SUN2: variants seen among roughly 807,000 people sequenced by gnomAD.
The protein encoded by SUN2 is Sad1 and UNC84 domain containing 2.
SUN2 carries 60 observed loss-of-function variants against 100.0 expected under a neutral mutation model. The observed-to-expected ratio is 0.60, with a 90% confidence interval of 0.49 to 0.74. The LOEUF is 0.74. SUN2 is among the 30% of genes least tolerant of loss of function. SUN2 has a pLI of 0.00. For synonymous variants in SUN2, 367 were observed against 403.3 expected (o/e 0.91, Z 1.08); for missense variants, 834 against 954.6 (o/e 0.87, Z 1.66).
chr22:38,739,087 C>G lies in SUN2; in HGVS notation c.1664-99G>C. ...TCGCTGAAGGTGGACGGCAGATGCCCCAGGCCTAGCCTTTAACCCTAACCG... is the reference window on the plus strand; with the variant it reads ...TCGCTGAAGGTGGACGGCAGATGCCGCAGGCCTAGCCTTTAACCCTAACCG... On this transcript the variant is annotated intron_variant, in intron 14 of 17. Coordinates refer to ENST00000689035, the MANE Select transcript of SUN2 (RefSeq NM_015374.3). This position sits in a 1 kb window ranked among gnomAD's most constrained non-coding sequence, Gnocchi z 6.7. 1 of 1,212,920 alleles carries G rather than the reference C, an allele frequency of 8.2e-7. No homozygotes were observed. The highest frequency in any genetic ancestry group is 2.0e-5 in the Admixed American group (1 of 50,040). The allele number at this position is 1,212,920 out of a possible 1,614,324, so 75.1% of individuals were successfully genotyped here.
rs2092978069 is a variant in SUN2 at position 38,755,439 on chromosome 22, T to C, written c.-38+324A>G. 1.0e-6 allele frequency: 1 copy of C among 994,398 alleles called. No individual in the cohort carries two copies. The highest frequency in any genetic ancestry group is 5.5e-5 in the Admixed American group (1 of 18,042). The allele number at this position is 994,398 out of a possible 1,614,324, so 61.6% of individuals were successfully genotyped here. ...ACTGCCTGTCCCTGGAAACGGCCTG[T>C]CTGGCACAAAACCCGTAGGCGCTGC... On this transcript the variant is annotated intron_variant, in intron 1 of 17. Coordinates refer to ENST00000689035, the MANE Select transcript of SUN2 (RefSeq NM_015374.3). This position sits in a 1 kb window ranked among gnomAD's most constrained non-coding sequence, Gnocchi z 5.7.
In SUN2 at chr22:38,738,460, G is replaced by C. The variant is rs2092826300; in HGVS notation, c.1947+127C>G. ...GACTGAAGTGCTGTCTCCCACCCTA[G>C]CTCCTCCTCTTCCAAATCCACTCCC... On this transcript the variant is annotated intron_variant, in intron 16 of 17. Transcript: ENST00000689035. The surrounding 1 kb of genome is among the most constrained non-coding windows in gnomAD (Gnocchi z 6.6). 3 of 1,329,014 alleles carry C rather than the reference G, an allele frequency of 2.3e-6. No homozygotes were observed. In the South Asian group the frequency reaches 4.0e-5, roughly 18 times the overall value. The allele number at this position is 1,329,014 out of a possible 1,614,324, so 82.3% of individuals were successfully genotyped here.
intron 5 of SUN2, 45 bp downstream of exon 5, chr22:38,750,180 A>C (rs769396202): frequency 6.3e-7 from 1 of 1,595,532 alleles, no homozygotes. Flanking sequence ...GTAAGAAAGC[A>C]CTATCACCAA....
Position 38,750,442 on chromosome 22 carries a change from G to A in SUN2, c.425-122C>T, listed in dbSNP as rs2092936480. The A allele has an allele frequency of 3.9e-6, 6 of 1,520,998 alleles. No homozygotes were observed. In the Admixed American group the frequency reaches 1.0e-4, roughly 26 times the overall value. The allele number at this position is 1,520,998 out of a possible 1,614,324, so 94.2% of individuals were successfully genotyped here. A position where few individuals can be genotyped will look rare whatever the true frequency, so the allele number is the denominator to read the frequency against. Reference sequence around the variant, plus strand: ...TTCACATCCCCACAGCCCCACACAGGCCCGGTGTGCAGTAAGGAATGAAAT... The same window carrying A: ...TTCACATCCCCACAGCCCCACACAGACCCGGTGTGCAGTAAGGAATGAAAT... On this transcript the variant is annotated intron_variant, in intron 4 of 17. Transcript: ENST00000689035.
At chr22:38,745,647 G>C (rs778456549) in intron 8 of SUN2, 37 bp downstream of exon 8, 59 of 1,609,108 alleles carry the variant, frequency 3.7e-5, no homozygotes, top group Non-Finnish European at 4.8e-5. Context: ...CCTAATTATT[G>C]CTAAGCTCTT....
chr22:38,739,705 G>A lies in SUN2; in HGVS notation c.1578+17C>T, dbSNP rs1469490243. On this transcript the variant is annotated intron_variant, in intron 13 of 17. Coordinates refer to ENST00000689035, the MANE Select transcript of SUN2 (RefSeq NM_015374.3). This position sits in a 1 kb window ranked among gnomAD's most constrained non-coding sequence, Gnocchi z 6.7. The stretch of plus-strand genomic sequence containing the variant: ...GAGCTGTGGGTGGGTGTGTGGAGAG[G>A]GGCATGTGGGCCTCACCTCCTCTGT... The A allele has an allele frequency of 2.5e-6, 4 of 1,611,026 alleles. No homozygotes were observed. The highest frequency in any genetic ancestry group is 3.4e-6 in the Non-Finnish European group (4 of 1,178,312).
At chr22:38,752,906 A>G (rs530701987) in intron 1 of SUN2, among the ~76,000 whole-genome samples, 1 of 152,326 alleles carries the variant, frequency 6.6e-6, no homozygotes, top group East Asian at 1.9e-4. Flanking sequence ...GTGACTCTGG[A>G]GCCTCTTCCA....
intron 1 of SUN2, among the ~76,000 whole-genome samples, chr22:38,753,956 C>T (rs899694714): frequency 3.9e-5 from 6 of 152,118 alleles, no homozygotes; most frequent in South Asian, 2.1e-4. Context: ...CTCACACATG[C>T]GCAAAACAAG....
In SUN2 at chr22:38,739,283, A is replaced by G; in HGVS notation, c.1663+59T>C. ...CCCCACCACCAACCTGGTAGATGCC[A>G]GGGGACCGGCCATTGCGGGGTCCAG... On this transcript the variant is annotated intron_variant, in intron 14 of 17. Transcript: ENST00000689035. The surrounding 1 kb of genome is among the most constrained non-coding windows in gnomAD (Gnocchi z 6.7). The G allele has an allele frequency of 6.4e-7, 1 of 1,566,328 alleles. No homozygotes were observed. The highest frequency in any genetic ancestry group is 1.1e-5 in the South Asian group (1 of 90,214).
chr22:38,752,578 G>A lies in SUN2; in HGVS notation c.51C>T (p.Asp17=), dbSNP rs759125687. The A allele has an allele frequency of 6.2e-5, 100 of 1,613,976 alleles. No individual in the cohort carries two copies. Among genetic ancestry groups the A allele is most frequent in the African/African-American group, 1.5e-4 (11 of 75,072 alleles). ...RLTRYSQGDD[D]GSSSSGGSSV... ...AGCTCCCTCCGCTGCTGCTGCTGCC[G>A]TCATCGTCACCCTGGGAGTAGCGCG... The change falls in exon 2 of 18, where the codon GAC becomes GAT. Residue 17 remains aspartate, a synonymous_variant. Transcript: ENST00000689035.
In SUN2 at chr22:38,740,889, C is replaced by G. The variant is rs1287016373; in HGVS notation, c.1190+118G>C. The G allele has an allele frequency of 2.6e-6, 3 of 1,154,392 alleles. No individual in the cohort carries two copies. The African/African-American group carries it at 4.6e-5, about 18-fold the overall frequency. The allele number at this position is 1,154,392 out of a possible 1,614,324, so 71.5% of individuals were successfully genotyped here. On this transcript the variant is annotated intron_variant, in intron 11 of 17. Coordinates refer to ENST00000689035, the MANE Select transcript of SUN2 (RefSeq NM_015374.3). This position sits in a 1 kb window ranked among gnomAD's most constrained non-coding sequence, Gnocchi z 4.8. ...GCTGGGTTTCAACCCCTCCCCCTAC[C>G]ATCTGCTTGGCAAGATGATCAGAAC...
chr22:38,745,570 A>G (rs1028859153), intron 8 of SUN2, 114 bp downstream of exon 8: 1 of 1,368,384 alleles, frequency 7.3e-7, no homozygotes, highest in Non-Finnish European at 1.0e-6. Context: ...GGCAACTAAC[A>G]GTACGCCTCA....
chr22:38,746,423 G>C (rs1395987520), intron 7 of SUN2, among the ~76,000 whole-genome samples: 1 of 152,150 alleles, frequency 6.6e-6, no homozygotes, highest in Non-Finnish European at 1.5e-5. Flanking sequence ...TTACTCCTGA[G>C]CTCTGGGGCA....
chr22:38,743,471 C>CA (rs2092876800), intron 8 of SUN2: 2 of 151,870 alleles, frequency 1.3e-5, no homozygotes, highest in South Asian at 4.1e-4. Flanking sequence ...CCTGTAGTCC[C>CA]AGCTACACAG....
Position 38,736,110 on chromosome 22 carries a change from G to A in SUN2, c.*157C>T. On this transcript the variant is annotated 3_prime_UTR_variant, in exon 18 of 18. Transcript: ENST00000689035. ...TGCTAACCGCCTCGAGCCACCTGCT[G>A]CTCAGGAGACCCTGCCCGTCCTTTT... The A allele has an allele frequency of 1.3e-6, 1 of 741,424 alleles. No individual in the cohort carries two copies. 45.9% of individuals were successfully genotyped at this position (741,424 alleles called of 1,614,324 possible). A position where few individuals can be genotyped will look rare whatever the true frequency, so the allele number is the denominator to read the frequency against.
At position 38,755,339 on chromosome 22, in the gene SUN2, G is replaced by C; in HGVS notation, c.-38+424C>G. On this transcript the variant is annotated intron_variant, in intron 1 of 17. Transcript: ENST00000689035. The surrounding 1 kb of genome is among the most constrained non-coding windows in gnomAD (Gnocchi z 5.7). ...GTCACACCGCGCCCCCCATTGCTTT[G>C]TTTTGTTTTGTTTTAGAACTGAACA... 9.2e-7 allele frequency: 1 copy of C among 1,089,738 alleles called. No homozygotes were observed. Among genetic ancestry groups the C allele is most frequent in the Non-Finnish European group, 1.1e-6 (1 of 890,550 alleles). The allele number at this position is 1,089,738 out of a possible 1,614,324, so 67.5% of individuals were successfully genotyped here.
At position 38,738,485 on chromosome 22, in the gene SUN2, C is replaced by T. The variant is rs1232407956; in HGVS notation, c.1947+102G>A. 6.8e-7 allele frequency: 1 copy of T among 1,471,854 alleles called. No homozygotes were observed. Among genetic ancestry groups the T allele is most frequent in the Non-Finnish European group, 9.3e-7 (1 of 1,079,712 alleles). 91.2% of individuals were successfully genotyped at this position (1,471,854 alleles called of 1,614,324 possible). A position where few individuals can be genotyped will look rare whatever the true frequency, so the allele number is the denominator to read the frequency against. On this transcript the variant is annotated intron_variant, in intron 16 of 17. Transcript: ENST00000689035. The surrounding 1 kb of genome is among the most constrained non-coding windows in gnomAD (Gnocchi z 6.6). ...GCTCCTCCTCTTCCAAATCCACTCC[C>T]CTCCCTTCCAGTCCAAGGGTGACCC...
intron 8 of SUN2, chr22:38,743,805 G>T (rs889538445): frequency 6.6e-6 from 1 of 152,028 alleles, no homozygotes; most frequent in Admixed American, 6.5e-5. Context: ...GTCTTTAATG[G>T]TGAAAAAAGG....
chr22:38,745,226 C>T (rs2092893670), intron 8 of SUN2: 4 of 469,208 alleles, frequency 8.5e-6, no homozygotes, highest in Non-Finnish European at 1.8e-5. Context: ...TAGGCAAGGG[C>T]CTTGACCAGC....
Sources: allele counts gnomAD v4.1 joint callset (sites outside exome capture counted in the v4.1 genomes callset), GRCh38; gene constraint gnomAD v4.1.1; non-coding constraint Gnocchi (gnomAD v3.1); transcripts MANE v1.5; gene names NCBI Gene and HGNC (gene_info 2026-07-23, HGNC 2026-07-21).